SEC24B: variants seen among roughly 807,000 people sequenced by gnomAD.
The protein encoded by SEC24B is protein transport protein Sec24B.
Under a neutral mutation model 142.8 loss-of-function variants are expected in SEC24B, and 45 were observed. The observed-to-expected ratio is 0.32, with a 90% CI of 0.25 to 0.40. The LOEUF (loss-of-function observed/expected upper bound fraction) is 0.40. Ranked by LOEUF, SEC24B falls within the 10% of genes least tolerant of loss-of-function variation. SEC24B has a pLI of 1.00. For synonymous variants in SEC24B, 574 were observed against 568.2 expected (o/e 1.01, Z -0.15); for missense variants, 1,409 against 1,526.8 (o/e 0.92, Z 1.29).
intron 2 of SEC24B, among the ~76,000 whole-genome samples, chr4:109,464,685 T>C (rs1203367396): frequency 1.3e-5 from 2 of 152,174 alleles, no homozygotes; most frequent in African/African-American, 2.4e-5. Context: ...GCCTTTAGAT[T>C]GTGTATCATT....
chr4:109,483,048 T>TTATGTATATATATATATA (rs1561117583), intron 4 of SEC24B, among the ~76,000 whole-genome samples: 6 of 119,056 alleles, frequency 5.0e-5, no homozygotes, highest in African/African-American at 2.4e-4. Flanking sequence ...ATATATGTAT[T>TTATGTATATATATATATA]TATGTATTTA....
At chr4:109,449,401 T>TC in intron 1 of SEC24B, 1 of 345,914 alleles carries the variant, frequency 2.9e-6, no homozygotes, top group Admixed American at 3.5e-5. Flanking sequence ...TTTTTCTTTT[T>TC]TTTTTTTTTT....
chr4:109,496,311 C>A (rs1735537936), intron 6 of SEC24B, among the ~76,000 whole-genome samples: 1 of 152,024 alleles, frequency 6.6e-6, no homozygotes, highest in South Asian at 2.1e-4. Context: ...TGGGGTGTCA[C>A]CATTTTGGCC....
intron 7 of SEC24B, 21 bp from the exon 8 acceptor site, chr4:109,509,988 T>G: frequency 1.4e-6 from 2 of 1,453,848 alleles, no homozygotes; most frequent in Non-Finnish European, 1.9e-6. Context: ...ATATCCTCCA[T>G]GTTGTTTATG....
intron 9 of SEC24B, 57 bp downstream of exon 9, chr4:109,512,140 G>A: frequency 1.4e-6 from 2 of 1,415,704 alleles, no homozygotes; most frequent in Non-Finnish European, 1.9e-6. Context: ...TTTTTTTTGA[G>A]ATTTTTGTCA....
chr4:109,472,235 C>T (rs1288840039), intron 2 of SEC24B, among the ~76,000 whole-genome samples: 4 of 152,134 alleles, frequency 2.6e-5, no homozygotes, highest in African/African-American at 4.8e-5. Flanking sequence ...TTCAGTATAT[C>T]GTGACTGCTC....
At chr4:109,525,569 G>A in intron 16 of SEC24B, 65 bp downstream of exon 16, 1 of 1,106,510 alleles carries the variant, frequency 9.0e-7, no homozygotes, top group Non-Finnish European at 1.3e-6. Context: ...AGCATTCCAT[G>A]TATTGACTAC....
intron 6 of SEC24B, among the ~76,000 whole-genome samples, chr4:109,497,370 A>G (rs1337246635): frequency 6.6e-6 from 1 of 152,258 alleles, no homozygotes; most frequent in African/African-American, 2.4e-5. Context: ...AAAATACAAC[A>G]TCATTTTATT....
intron 6 of SEC24B, among the ~76,000 whole-genome samples, chr4:109,502,263 C>T (rs1736227471): frequency 2.0e-5 from 3 of 152,158 alleles, no homozygotes; most frequent in African/African-American, 7.2e-5. Flanking sequence ...TAAAGGACCA[C>T]AGTCAGAAGC....
intron 1 of SEC24B, among the ~76,000 whole-genome samples, chr4:109,453,945 C>T (rs979957936): frequency 5.3e-5 from 8 of 152,120 alleles, no homozygotes; most frequent in Non-Finnish European, 1.5e-5. Flanking sequence ...GCAACCTCCA[C>T]CTCCTGGGTT....
In SEC24B at chr4:109,525,413, T is replaced by C; in HGVS notation, c.2700T>C (p.Pro900=). 6.2e-7 allele frequency: 1 copy of C among 1,612,094 alleles called. No homozygotes were observed. The highest frequency in any genetic ancestry group is 2.2e-5 in the East Asian group (1 of 44,670). ...CATCATTCCACTATACTCACAATCC[T>C]TCACAAGCAGAAAAGTTACAAAAAG... is the stretch of plus-strand genomic sequence containing the variant. ...YYPSFHYTHN[P]SQAEKLQKDL... is the part of the protein sequence containing the mutation. Residue 900 remains proline, a synonymous_variant, in exon 16 of 24, where the codon CCT becomes CCC. Transcript: ENST00000265175.
rs538510627 is a variant in SEC24B, at chr4:109,471,945, G to A, written c.878-1059G>A. Among the ~76,000 whole-genome samples the A allele has an allele frequency of 6.0e-4, 91 of 152,254 alleles. 1 individual carries two copies. Among genetic ancestry groups the A allele is most frequent in the Admixed American group, 5.2e-4 (8 of 15,292 alleles). ...TAAAATAGACTCCATATTGATGAAA[G>A]GAACTGTAAAATATTGTGATGATGT... is the stretch of plus-strand genomic sequence containing the variant. On this transcript the variant is annotated intron_variant, in intron 2 of 23. Transcript: ENST00000265175.
chr4:109,439,474 ATTTTTTTTTTTTTTTTTTTTTTTTT>A (rs70949077), intron 1 of SEC24B, among the ~76,000 whole-genome samples: 913 of 43,982 alleles, frequency 0.021, 12 homozygotes, highest in Non-Finnish European at 0.028. Flanking sequence ...TCCTAAGCTG[ATTTTTTTTTTTTTTTTTTTTTTTTT>A]TTTTTTTTTT....
intron 2 of SEC24B, among the ~76,000 whole-genome samples, chr4:109,466,609 A>G (rs893004449): frequency 6.6e-6 from 1 of 152,060 alleles, no homozygotes; most frequent in Non-Finnish European, 1.5e-5. Context: ...ACAGGGTTTC[A>G]CCATGTTGGC....
intron 1 of SEC24B, among the ~76,000 whole-genome samples, chr4:109,456,719 C>A (rs950697087): frequency 6.6e-6 from 1 of 152,146 alleles, no homozygotes; most frequent in African/African-American, 2.4e-5. Context: ...AATGGTCAGT[C>A]AGCCTTGTAT....
At chr4:109,434,549 A>C (rs1728210278) in intron 1 of SEC24B, among the ~76,000 whole-genome samples, 1 of 152,190 alleles carries the variant, frequency 6.6e-6, no homozygotes, top group South Asian at 2.1e-4. Flanking sequence ...GAGGAAACTT[A>C]AGTTTGCACT....
intron 10 of SEC24B, among the ~76,000 whole-genome samples, chr4:109,516,068 A>G (rs1209899909): frequency 1.3e-5 from 2 of 152,166 alleles, no homozygotes; most frequent in South Asian, 2.1e-4. Context: ...AAAAGTATTT[A>G]TAATACCATC....
rs774584779 is a variant in SEC24B at position 109,510,066 on chromosome 4, T to C, written c.1731T>C (p.Ala577=). The C allele has an allele frequency of 1.2e-6, 2 of 1,610,400 alleles. No individual in the cohort carries two copies. Residue 577 remains alanine (A), a synonymous_variant, in exon 8 of 24, where the codon GCT becomes GCC. Coordinates refer to ENST00000265175, the MANE Select transcript of SEC24B (RefSeq NM_006323.5). ...AGACACAGGCTTTACTGAATAAAGC[T>C]AAGCTTCCTTTAGGATTGTTGTTAC... ...IPQTQALLNK[A]KLPLGLLLHP...
rs751087637 is a variant in SEC24B at position 109,539,550 on chromosome 4, C to T, written c.3693-11C>T. ...AATACGTTTAGACAAATGCCCTTTTCTTTCTTCCAGAGATGAGAGTCCTGC... is the reference window on the plus strand; with the variant it reads ...AATACGTTTAGACAAATGCCCTTTTTTTTCTTCCAGAGATGAGAGTCCTGC... On this transcript the variant is annotated splice_polypyrimidine_tract_variant and intron_variant, in intron 23 of 23. Coordinates refer to ENST00000265175, the MANE Select transcript of SEC24B (RefSeq NM_006323.5). 5 of 1,573,388 alleles carry T rather than the reference C, an allele frequency of 3.2e-6. No homozygotes were observed. In the South Asian group the frequency reaches 3.3e-5, roughly 10 times the overall value.
Sources: gnomAD v4.1 joint callset for allele counts (sites outside exome capture counted in the v4.1 genomes callset) on GRCh38, gnomAD v4.1.1 for gene constraint, MANE v1.5 for transcripts, NCBI Gene and HGNC (gene_info 2026-07-23, HGNC 2026-07-21) for gene names.